The following HSPA12B variants were observed in gnomAD, a reference collection of about 807,000 sequenced individuals.
The protein encoded by HSPA12B is heat shock protein family A (Hsp70) member 12B.
Under a neutral mutation model 69.3 loss-of-function variants are expected in HSPA12B, and 54 were observed. The observed-to-expected ratio is 0.78, with a 90% confidence interval of 0.63 to 0.98. The LOEUF (loss-of-function observed/expected upper bound fraction) is 0.98. Among genes scored for constraint, HSPA12B ranks in the 50% least tolerant of loss-of-function variants. The probability of loss-of-function intolerance (pLI) is 0.00; values close to 1 mark genes in which losing one functional copy is unlikely to be tolerated. For missense variants in HSPA12B, 929 were observed against 999.8 expected (o/e 0.93, Z 0.96); for synonymous variants, 441 against 436.5 (o/e 1.01, Z -0.13).
At chr20:3,734,717 G>A (rs957131557) in intron 1 of HSPA12B, among the ~76,000 whole-genome samples, 5 of 150,132 alleles carry the variant, frequency 3.3e-5, no homozygotes, top group Non-Finnish European at 5.9e-5. Context: ...GAATCCGTGG[G>A]ATCCTCCTTC....
At position 3,748,200 on chromosome 20, in the gene HSPA12B, C is replaced by T. The variant is rs2088341409; in HGVS notation, c.676-17C>T. On this transcript the variant is annotated splice_polypyrimidine_tract_variant and intron_variant, in intron 7 of 12. Coordinates refer to ENST00000254963, the MANE Select transcript of HSPA12B (RefSeq NM_052970.5). Reference sequence around the variant, plus strand: ...AGCCCACAGTGCTGCCTGACCCTGCCCACCACCCATCCCCAGGCTGGACTA... The same window carrying T: ...AGCCCACAGTGCTGCCTGACCCTGCTCACCACCCATCCCCAGGCTGGACTA... The T allele has an allele frequency of 3.3e-6, 5 of 1,531,352 alleles. No homozygotes were observed. Among genetic ancestry groups the T allele is most frequent in the Non-Finnish European group, 4.4e-6 (5 of 1,131,932 alleles). 94.9% of individuals were successfully genotyped at this position (1,531,352 alleles called of 1,614,324 possible).
At position 3,748,270 on chromosome 20, in the gene HSPA12B, C is replaced by T. The variant is rs377289754; in HGVS notation, c.729C>T (p.Pro243=). 1.2e-5 allele frequency: 20 copies of T among 1,604,630 alleles called. No individual in the cohort carries two copies. Among genetic ancestry groups the T allele is most frequent in the African/African-American group, 6.7e-5 (5 of 74,516 alleles). The change falls in exon 8 of 13, where the codon CCC becomes CCT. Residue 243 remains proline (P), a synonymous_variant. Coordinates refer to ENST00000254963, the MANE Select transcript of HSPA12B (RefSeq NM_052970.5). ...AGCAGCTACTCATCGCCCTGGAGCC[C>T]GAGGCCGCCTCGGTATACTGCCGCA... ...NAEQLLIALE[P]EAASVYCRKL... is the part of the protein sequence containing the mutation.
chr20:3,736,559 C>T (rs899319259), intron 1 of HSPA12B, among the ~76,000 whole-genome samples: 12 of 152,330 alleles, frequency 7.9e-5, no homozygotes, highest in Middle Eastern at 3.4e-3. Flanking sequence ...CAGATTGGGC[C>T]GCTGGTGACA....
chr20:3,751,333 G>A (rs909195103), intron 12 of HSPA12B, 178 bp from the exon 13 acceptor site: 14 of 985,356 alleles, frequency 1.4e-5, no homozygotes, highest in African/African-American at 1.0e-4. Flanking sequence ...CGAAGCCCTC[G>A]AGGACTCCCG....
Position 3,752,479 on chromosome 20 carries a change from C to A in HSPA12B, c.*313C>A. 4.8e-6 allele frequency: 1 copy of A among 210,410 alleles called. No individual in the cohort carries two copies. The highest frequency in any genetic ancestry group is 9.2e-6 in the Non-Finnish European group (1 of 108,552). 13.0% of individuals were successfully genotyped at this position (210,410 alleles called of 1,614,324 possible). On this transcript the variant is annotated 3_prime_UTR_variant, in exon 13 of 13. Transcript: ENST00000254963. ...GGCATGTGACCCCGAAGGAAGAACG[C>A]AACAGAAGAGTCCTGGTCTGAACTT...
chr20:3,742,494 TG>T, intron 4 of HSPA12B, 86 bp downstream of exon 4: 2 of 1,128,380 alleles, frequency 1.8e-6, no homozygotes, highest in South Asian at 1.4e-5. Flanking sequence ...CACCGAGACA[TG>T]GGGTCTCCTT....
At chr20:3,743,176 A>C (rs1352824151) in intron 4 of HSPA12B, among the ~76,000 whole-genome samples, 1 of 146,330 alleles carries the variant, frequency 6.8e-6, no homozygotes, top group African/African-American at 2.6e-5. Context: ...GTGAGCCACC[A>C]ACCTGGCCTT....
At chr20:3,748,580 C>T (rs1475664657) in intron 8 of HSPA12B, among the ~76,000 whole-genome samples, 189 bp downstream of exon 8, 2 of 152,194 alleles carry the variant, frequency 1.3e-5, no homozygotes, top group South Asian at 2.1e-4. Flanking sequence ...AGGGCAACCT[C>T]GTCTCAGGGT....
chr20:3,738,335 C>A (rs1367765324), intron 1 of HSPA12B, among the ~76,000 whole-genome samples: 2 of 152,164 alleles, frequency 1.3e-5, no homozygotes, highest in African/African-American at 4.8e-5. Context: ...AGAGCAGGCA[C>A]CAGAAAACAT....
At chr20:3,748,442 T>G in intron 8 of HSPA12B, 51 bp downstream of exon 8, 1 of 1,421,740 alleles carries the variant, frequency 7.0e-7, no homozygotes, top group Non-Finnish European at 9.3e-7. Context: ...AGAGGGTCAC[T>G]GAAGCCAGAA....
At position 3,740,783 on chromosome 20, in the gene HSPA12B, T is replaced by G. The variant is rs2088186459; in HGVS notation, c.44-32T>G. 4.4e-6 allele frequency: 7 copies of G among 1,591,092 alleles called. No individual in the cohort carries two copies. Among genetic ancestry groups the G allele is most frequent in the Non-Finnish European group, 5.2e-6 (6 of 1,162,830 alleles). ...CCCGCTGCCATACCTACCCTGCTTG[T>G]GCCAGGATGAACTGCCGTCTCTTCT... is the stretch of plus-strand genomic sequence containing the variant. On this transcript the variant is annotated intron_variant, in intron 2 of 12. Transcript: ENST00000254963. This position sits in a 1 kb window ranked among gnomAD's most constrained non-coding sequence, Gnocchi z 4.9.
chr20:3,735,259 A>G (rs2088090643), intron 1 of HSPA12B, among the ~76,000 whole-genome samples: 1 of 152,228 alleles, frequency 6.6e-6, no homozygotes, highest in Non-Finnish European at 1.5e-5. Context: ...TCTACAGGAA[A>G]GGGCACTGAG....
chr20:3,737,302 A>C lies in HSPA12B; in HGVS notation c.-17-1356A>C, dbSNP rs927070149. ...CAGGATCGAGCCCCTCCCATCTTAG[A>C]AAATAAATATTCTTCCTCACCTCCC... is the stretch of plus-strand genomic sequence containing the variant. On this transcript the variant is annotated intron_variant, in intron 1 of 12. Coordinates refer to ENST00000254963, the MANE Select transcript of HSPA12B (RefSeq NM_052970.5). The surrounding 1 kb of genome is among the most constrained non-coding windows in gnomAD (Gnocchi z 4.1). Among the ~76,000 whole-genome samples the C allele has an allele frequency of 4.6e-5, 7 of 152,132 alleles. No homozygotes were observed. The highest frequency in any genetic ancestry group is 1.7e-4 in the African/African-American group (7 of 41,434).
chr20:3,748,140 G>A (rs764186241), intron 7 of HSPA12B, 77 bp from the exon 8 acceptor site: 25 of 1,310,848 alleles, frequency 1.9e-5, no homozygotes, highest in South Asian at 3.6e-5. Context: ...CACAGGCCGC[G>A]GTTCCCCACC....
rs2146586600 is a variant in HSPA12B at position 3,749,191 on chromosome 20, C to T, written c.851-41C>T. On this transcript the variant is annotated intron_variant, in intron 8 of 12. Coordinates refer to ENST00000254963, the MANE Select transcript of HSPA12B (RefSeq NM_052970.5). The surrounding 1 kb of genome is among the most constrained non-coding windows in gnomAD (Gnocchi z 5.5). ...GGAGTTGAACGCCATAGCTGGAGCA[C>T]CTCCTTCTAATCTCACTCCCTGCTG... 1 of 1,569,716 alleles carries T rather than the reference C, an allele frequency of 6.4e-7. No individual in the cohort carries two copies. Among genetic ancestry groups the T allele is most frequent in the Non-Finnish European group, 8.7e-7 (1 of 1,146,260 alleles).
rs1216758812 is a variant in HSPA12B, at chr20:3,737,884, T to C, written c.-17-774T>C. On this transcript the variant is annotated intron_variant, in intron 1 of 12. Coordinates refer to ENST00000254963, the MANE Select transcript of HSPA12B (RefSeq NM_052970.5). The surrounding 1 kb of genome is among the most constrained non-coding windows in gnomAD (Gnocchi z 4.1). ...TGGGCATGGAGGCACTCACCTGTAA[T>C]CCCAGCTACTGAGGAGGCTGAGGTA... 6.6e-6 allele frequency among the ~76,000 whole-genome samples: 1 copy of C among 152,098 alleles called. No individual in the cohort carries two copies. Among genetic ancestry groups the C allele is most frequent in the African/African-American group, 2.4e-5 (1 of 41,428 alleles).
intron 1 of HSPA12B, 30 bp from the exon 2 acceptor site, chr20:3,738,628 C>T: frequency 6.3e-7 from 1 of 1,598,018 alleles, no homozygotes; most frequent in Non-Finnish European, 8.6e-7. Flanking sequence ...ACAAATAAAT[C>T]CCACTCTGCT....
chr20:3,750,689 G>A, intron 11 of HSPA12B, 115 bp from the exon 12 acceptor site: 1 of 1,583,490 alleles, frequency 6.3e-7, no homozygotes. Context: ...CGTGCAGTCG[G>A]TGCCCAGGCA....
chr20:3,738,669 G>A lies in HSPA12B; in HGVS notation c.-6G>A, dbSNP rs1258344601. The A allele has an allele frequency of 6.2e-7, 1 of 1,614,142 alleles. No individual in the cohort carries two copies. The highest frequency in any genetic ancestry group is 8.5e-7 in the Non-Finnish European group (1 of 1,180,006). On this transcript the variant is annotated 5_prime_UTR_variant, in exon 2 of 13. Transcript: ENST00000254963. ...GTTCCTGTTGACAGCTACAGGGCCT[G>A]CAAGGATGTTGGCTGTCCCGGAGAT... is the stretch of plus-strand genomic sequence containing the variant.
Sources: allele counts gnomAD v4.1 joint callset (sites outside exome capture counted in the v4.1 genomes callset), GRCh38; gene constraint gnomAD v4.1.1; non-coding constraint Gnocchi (gnomAD v3.1); transcripts MANE v1.5; gene names NCBI Gene and HGNC (gene_info 2026-07-23, HGNC 2026-07-21).